Variants in NRG3 observed in about 807,000 individuals in gnomAD.
NRG3 encodes neuregulin 3.
Under a neutral mutation model 66.9 loss-of-function variants are expected in NRG3, and 31 were observed. The observed-to-expected ratio is 0.46, with a 90% CI of 0.35 to 0.63. NRG3 has a LOEUF of 0.63. Ranked by LOEUF, NRG3 falls within the 20% of genes least tolerant of loss-of-function variation. The probability of loss-of-function intolerance (pLI) is 0.00; values close to 1 mark genes in which losing one functional copy is unlikely to be tolerated. For synonymous variants in NRG3, 393 were observed against 359.4 expected (o/e 1.09, Z -1.06); for missense variants, 910 against 878.9 (o/e 1.04, Z -0.45).
intron 2 of NRG3, among the ~76,000 whole-genome samples, chr10:82,578,241 GTTAAGTTC>G (rs1343508966): frequency 6.7e-6 from 1 of 149,886 alleles, no homozygotes. Flanking sequence ...GCCATTTATT[GTTAAGTTC>G]TTAATTTTGT....
intron 1 of NRG3, among the ~76,000 whole-genome samples, chr10:82,151,368 C>T (rs1479051236): frequency 6.6e-6 from 1 of 152,166 alleles, no homozygotes; most frequent in South Asian, 2.1e-4. Flanking sequence ...GAAAAGATGC[C>T]TGTTTTCTAA....
intron 2 of NRG3, among the ~76,000 whole-genome samples, chr10:82,659,919 G>T (rs762136897): frequency 3.3e-5 from 5 of 151,770 alleles, no homozygotes; most frequent in Non-Finnish European, 5.9e-5. Context: ...GTGACGGCCG[G>T]GTGCAATGGC....
intron 1 of NRG3, among the ~76,000 whole-genome samples, chr10:81,928,416 T>C (rs1417476624): frequency 6.6e-6 from 1 of 152,212 alleles, no homozygotes; most frequent in Non-Finnish European, 1.5e-5. Flanking sequence ...ACCAACTACA[T>C]TTGGGTCTTA....
chr10:82,457,715 A>G (rs181442544), intron 2 of NRG3, among the ~76,000 whole-genome samples: 168 of 152,312 alleles, frequency 1.1e-3, no homozygotes, highest in South Asian at 2.9e-3. Context: ...TTCAGCACAC[A>G]CTGGGAGCAC....
At chr10:82,481,311 T>C (rs1842248321) in intron 2 of NRG3, among the ~76,000 whole-genome samples, 1 of 152,214 alleles carries the variant, frequency 6.6e-6, no homozygotes, top group Admixed American at 6.5e-5. Flanking sequence ...TCAGCCATTA[T>C]TTATTTTGAT....
At chr10:82,482,002 C>T (rs1842312581) in intron 2 of NRG3, among the ~76,000 whole-genome samples, 1 of 152,018 alleles carries the variant, frequency 6.6e-6, no homozygotes, top group Admixed American at 6.6e-5. Context: ...GAAAAAATTA[C>T]AATTCTGTAG....
At chr10:81,999,069 T>C (rs2061060284) in intron 1 of NRG3, among the ~76,000 whole-genome samples, 1 of 152,152 alleles carries the variant, frequency 6.6e-6, no homozygotes, top group Non-Finnish European at 1.5e-5. Flanking sequence ...TCCCAAAATG[T>C]TGGGTTTATA....
intron 1 of NRG3, among the ~76,000 whole-genome samples, chr10:82,314,722 A>G (rs1246356523): frequency 1.3e-5 from 2 of 152,180 alleles, no homozygotes; most frequent in African/African-American, 4.8e-5. Flanking sequence ...AGGCAGGAGA[A>G]TGGCGTGAAC....
chr10:81,926,393 T>C (rs998198144), intron 1 of NRG3, among the ~76,000 whole-genome samples: 4 of 152,124 alleles, frequency 2.6e-5, no homozygotes, highest in Admixed American at 6.5e-5. Context: ...ATTGCTGGGA[T>C]TATAGGTGTG....
chr10:81,974,620 C>T (rs1354311745), intron 1 of NRG3, among the ~76,000 whole-genome samples: 2 of 152,046 alleles, frequency 1.3e-5, no homozygotes, highest in East Asian at 1.9e-4. Flanking sequence ...ATGATCTGCA[C>T]AAGCATAGTC....
intron 1 of NRG3, among the ~76,000 whole-genome samples, chr10:82,335,956 G>A (rs561906925): frequency 4.6e-5 from 7 of 152,270 alleles, no homozygotes; most frequent in Admixed American, 1.3e-4. Context: ...ATATTTTAGA[G>A]TTTATGGGTC....
chr10:82,048,083 A>C (rs1258371004), intron 1 of NRG3, among the ~76,000 whole-genome samples: 1 of 151,574 alleles, frequency 6.6e-6, no homozygotes, highest in African/African-American at 2.4e-5. Context: ...ATACAGGAGC[A>C]CCCAGTTTCA....
chr10:82,099,535 T>A (rs968530516), intron 1 of NRG3, among the ~76,000 whole-genome samples: 1 of 152,222 alleles, frequency 6.6e-6, no homozygotes, highest in Non-Finnish European at 1.5e-5. Flanking sequence ...GTTTTCAAAG[T>A]TGTTTTGGCT....
intron 3 of NRG3, among the ~76,000 whole-genome samples, chr10:82,854,403 G>A (rs569918953): frequency 6.6e-6 from 1 of 152,276 alleles, no homozygotes; most frequent in East Asian, 1.9e-4. Context: ...TTCGGGGAGT[G>A]TGAGCAGAAC....
rs542720983 is a variant in NRG3 at position 82,473,222 on chromosome 10, G to A, written c.953+114354G>A. Among the ~76,000 whole-genome samples, 4 of 152,288 alleles carry A rather than the reference G, an allele frequency of 2.6e-5. No homozygotes were observed. The East Asian group carries it at 7.7e-4, about 29-fold the overall frequency. ...CAAGCTAAAATGGAGTGCCTATTCAGAACCACGCACTGAGCTGTGTGTTTT... is the reference window on the plus strand; with the variant it reads ...CAAGCTAAAATGGAGTGCCTATTCAAAACCACGCACTGAGCTGTGTGTTTT... On this transcript the variant is annotated intron_variant, in intron 2 of 8. Coordinates refer to ENST00000372141, the MANE Select transcript of NRG3 (RefSeq NM_001010848.4).
chr10:82,705,705 A>C (rs1297337864), intron 2 of NRG3, among the ~76,000 whole-genome samples: 2 of 152,190 alleles, frequency 1.3e-5, no homozygotes, highest in Admixed American at 1.3e-4. Context: ...TTTACCATCT[A>C]CATGAAGGAG....
intron 1 of NRG3, among the ~76,000 whole-genome samples, chr10:81,974,124 A>T (rs1280074683): frequency 6.6e-6 from 1 of 152,140 alleles, no homozygotes; most frequent in African/African-American, 2.4e-5. Context: ...TCTTGTGCAT[A>T]TGGCTAGCCA....
At chr10:82,178,350 T>C (rs1023776967) in intron 1 of NRG3, among the ~76,000 whole-genome samples, 6 of 152,172 alleles carry the variant, frequency 3.9e-5, no homozygotes, top group Non-Finnish European at 7.4e-5. Flanking sequence ...ATGTGACTAA[T>C]ACTTTATATC....
At chr10:82,818,581 T>G (rs17746886) in intron 3 of NRG3, among the ~76,000 whole-genome samples, 17,872 of 152,224 alleles carry the variant, frequency 0.12, 1,127 homozygotes, top group South Asian at 0.21. Context: ...TTTAAGCATA[T>G]TTTTATGTAT....
Sources: gnomAD v4.1 joint callset for allele counts (sites outside exome capture counted in the v4.1 genomes callset) on GRCh38, gnomAD v4.1.1 for gene constraint, MANE v1.5 for transcripts, NCBI Gene and HGNC (gene_info 2026-07-23, HGNC 2026-07-21) for gene names.